Variants in PLXNA2 observed in about 807,000 individuals in gnomAD.
PLXNA2 encodes plexin A2, also known as plexin-A2.
In PLXNA2, 91 loss-of-function variants were observed where a neutral mutation model predicts 193.5. The ratio of observed to expected loss-of-function variants is 0.47; its 90% CI spans 0.40 to 0.56. PLXNA2 has a LOEUF of 0.56. PLXNA2 is among the 20% of genes least tolerant of loss of function. The probability of loss-of-function intolerance (pLI) is 0.00; values close to 1 mark genes in which losing one functional copy is unlikely to be tolerated. For synonymous variants in PLXNA2, 997 were observed against 1,027.3 expected, an observed-to-expected ratio of 0.97 and a Z score of 0.56; for missense variants, 1,995 against 2,503.2, an observed-to-expected ratio of 0.80 and a Z score of 4.33.
rs1290165144 is a variant in PLXNA2, at chr1:208,220,764, A to G, written c.-80-2762T>C. On this transcript the variant is annotated intron_variant, in intron 1 of 31. Coordinates refer to ENST00000367033, the MANE Select transcript of PLXNA2 (RefSeq NM_025179.4). ...GCCTGTTATTGTCTTTGAAGACTCC[A>G]CAGGAGATGGCACTTCTGAAATCCT... 3.3e-5 allele frequency among the ~76,000 whole-genome samples: 5 copies of G among 152,204 alleles called. No individual in the cohort carries two copies. In the East Asian group the frequency reaches 9.7e-4, roughly 29 times the overall value.
intron 26 of PLXNA2, among the ~76,000 whole-genome samples, chr1:208,037,467 C>T (rs930127877): frequency 6.6e-6 from 1 of 152,204 alleles, no homozygotes; most frequent in Non-Finnish European, 1.5e-5. Flanking sequence ...CTCTACAGAT[C>T]CTTCTTTCCG....
chr1:208,142,559 T>C (rs1571962353), intron 3 of PLXNA2, 96 bp from the exon 4 acceptor site: 1 of 1,241,032 alleles, frequency 8.1e-7, no homozygotes, highest in East Asian at 2.5e-5. Flanking sequence ...CAGAAGACCA[T>C]TGCTAACCCC....
chr1:208,226,727 G>T (rs371471112), intron 1 of PLXNA2, among the ~76,000 whole-genome samples: 7 of 152,210 alleles, frequency 4.6e-5, no homozygotes, highest in African/African-American at 1.7e-4. Flanking sequence ...TGAGAGAGCC[G>T]CATGGTATAA....
At chr1:208,145,298 G>A (rs1197828947) in intron 3 of PLXNA2, among the ~76,000 whole-genome samples, 16 of 152,134 alleles carry the variant, frequency 1.1e-4, no homozygotes. Context: ...CTCCTCTCCA[G>A]GGAGATTTAA....
At chr1:208,084,980 C>G (rs1666465650) in intron 9 of PLXNA2, among the ~76,000 whole-genome samples, 1 of 152,168 alleles carries the variant, frequency 6.6e-6, no homozygotes, top group Non-Finnish European at 1.5e-5. Context: ...ATGCCGATGC[C>G]TGGGGCATCC....
rs775744402 is a variant in PLXNA2 at position 208,217,380 on chromosome 1, C to T, written c.543G>A (p.Lys181=). ...VIVRSEGEDG[K]LFIGTAVDGK... ...CATCCACAGCCGTGCCGATGAAGAG[C>T]TTGCCATCCTCACCCTCAGAGCGCA... Residue 181 remains lysine (K), a synonymous_variant, in exon 2 of 32, where the codon AAG becomes AAA. Transcript: ENST00000367033. The surrounding 1 kb of genome is among the most constrained non-coding windows in gnomAD (Gnocchi z 4.7). The T allele has an allele frequency of 6.2e-7, 1 of 1,614,206 alleles. No individual in the cohort carries two copies. Among genetic ancestry groups the T allele is most frequent in the East Asian group, 2.2e-5 (1 of 44,872 alleles).
chr1:208,179,513 T>C (rs1281295647), intron 3 of PLXNA2, among the ~76,000 whole-genome samples: 1 of 152,064 alleles, frequency 6.6e-6, no homozygotes, highest in East Asian at 1.9e-4. Flanking sequence ...CAGGCAGCAC[T>C]CACTCCCCTT....
intron 3 of PLXNA2, among the ~76,000 whole-genome samples, chr1:208,195,336 A>G (rs1670322309): frequency 6.6e-6 from 1 of 152,184 alleles, no homozygotes; most frequent in Admixed American, 6.5e-5. Context: ...ATTTCCCTCT[A>G]GCTTTTGTGG....
chr1:208,139,987 A>C (rs1175762669), intron 4 of PLXNA2, among the ~76,000 whole-genome samples: 2 of 152,210 alleles, frequency 1.3e-5, no homozygotes, highest in East Asian at 3.8e-4. Context: ...TCCATCTGGT[A>C]CAGGGAGCTC....
chr1:208,242,194 G>A (rs1672078263), intron 1 of PLXNA2, among the ~76,000 whole-genome samples: 1 of 152,080 alleles, frequency 6.6e-6, no homozygotes, highest in South Asian at 2.1e-4. Flanking sequence ...TCAGTAGAAG[G>A]CCCCAGAATC....
intron 4 of PLXNA2, among the ~76,000 whole-genome samples, chr1:208,140,867 T>C (rs1414714269): frequency 1.3e-5 from 2 of 152,274 alleles, no homozygotes; most frequent in African/African-American, 2.4e-5. Flanking sequence ...CAACTTAAGG[T>C]AGTGGCTAAG....
intron 29 of PLXNA2, chr1:208,031,247 C>T: frequency 1.8e-6 from 2 of 1,106,738 alleles, no homozygotes; most frequent in Non-Finnish European, 2.2e-6. Flanking sequence ...TCAAATGCAG[C>T]TCTTTGCATA....
intron 28 of PLXNA2, 111 bp downstream of exon 28, chr1:208,033,208 T>A (rs1020661451): frequency 2.9e-5 from 31 of 1,056,088 alleles, no homozygotes; most frequent in Non-Finnish European, 4.1e-5. Flanking sequence ...ACCTGGACTG[T>A]CTGAATGGGT....
intron 12 of PLXNA2, among the ~76,000 whole-genome samples, chr1:208,078,405 G>C (rs1666228236): frequency 6.6e-6 from 1 of 152,146 alleles, no homozygotes; most frequent in Admixed American, 6.5e-5. Flanking sequence ...TGGCCAGCAG[G>C]GAAAATGAAG....
intron 4 of PLXNA2, among the ~76,000 whole-genome samples, chr1:208,136,432 G>A (rs1668303095): frequency 6.6e-6 from 1 of 152,182 alleles, no homozygotes; most frequent in South Asian, 2.1e-4. Context: ...CAATGAGCGT[G>A]AGACTTTGTT....
intron 9 of PLXNA2, among the ~76,000 whole-genome samples, chr1:208,090,055 G>A (rs1174603479): frequency 6.6e-6 from 1 of 152,212 alleles, no homozygotes; most frequent in Non-Finnish European, 1.5e-5. Context: ...GTGGTTAAGA[G>A]CCAAAGCAGT....
At chr1:208,188,567 G>A (rs1670077222) in intron 3 of PLXNA2, among the ~76,000 whole-genome samples, 1 of 151,994 alleles carries the variant, frequency 6.6e-6, no homozygotes, top group Non-Finnish European at 1.5e-5. Context: ...AAATCAGCTG[G>A]GCATGGTGGT....
At chr1:208,041,164 A>C (rs548858795) in intron 22 of PLXNA2, among the ~76,000 whole-genome samples, 1 of 152,322 alleles carries the variant, frequency 6.6e-6, no homozygotes, top group Non-Finnish European at 1.5e-5. Flanking sequence ...TCTAATGCTC[A>C]GATTGGCAGG....
Position 208,046,104 on chromosome 1 carries a change from A to C in PLXNA2, c.3269T>G (p.Val1090Gly). The C allele has an allele frequency of 1.2e-6, 2 of 1,614,018 alleles. No homozygotes were observed. Among genetic ancestry groups the C allele is most frequent in the South Asian group, 2.2e-5 (2 of 91,068 alleles). ...CAGGCAGGTGAGGGTGGTTGTGTTCACAACTTTACACACCTAAGAGATCCA... is the reference window on the plus strand; with the variant it reads ...CAGGCAGGTGAGGGTGGTTGTGTTCCCAACTTTACACACCTAAGAGATCCA... ...GKESVNVCKV[V>G]NTTTLTCLAP... The change falls in exon 18 of 32, where the codon GTG becomes GGG. Residue 1090 changes from valine to glycine, a missense_variant. By Grantham distance (109) the Val-to-Gly change is moderately radical. Transcript: ENST00000367033.
Sources: gnomAD v4.1 joint callset for allele counts (sites outside exome capture counted in the v4.1 genomes callset) on GRCh38, gnomAD v4.1.1 for gene constraint, Gnocchi (gnomAD v3.1) non-coding constraint, MANE v1.5 for transcripts, NCBI Gene and HGNC (gene_info 2026-07-23, HGNC 2026-07-21) for gene names.